The following CLVS1 variants were observed in gnomAD, a reference collection of about 807,000 sequenced individuals.
CLVS1 encodes clavesin-1.
Under a neutral mutation model 33.1 loss-of-function variants are expected in CLVS1, and 10 were observed. The observed-to-expected ratio is 0.30, with a 90% CI of 0.19 to 0.51. The LOEUF is 0.51. Among genes scored for constraint, CLVS1 ranks in the 20% least tolerant of loss-of-function variants. The probability of loss-of-function intolerance (pLI) is 0.97; values close to 1 mark genes in which losing one functional copy is unlikely to be tolerated. For synonymous variants in CLVS1, 163 were observed against 166.1 expected, an observed-to-expected ratio of 0.98 and a Z score of 0.14; for missense variants, 343 against 433.4, an observed-to-expected ratio of 0.79 and a Z score of 1.85.
In CLVS1 at chr8:61,149,551, C is replaced by CAAAAAAAAAAAAAAAAAA. The variant is rs1166606940; in HGVS notation, c.-152+17708_-152+17709insAAAAAAAAAAAAAAAAAA. The stretch of plus-strand genomic sequence containing the variant: ...TAGGCGACAGAACGAGACTCTGTCT[C>CAAAAAAAAAAAAAAAAAA]AAAAAAAAAAAAAAAAACAAAAAAC... On this transcript the variant is annotated intron_variant, in intron 2 of 2. Transcript: ENST00000522621. 1.5e-3 allele frequency among the ~76,000 whole-genome samples: 80 copies of CAAAAAAAAAAAAAAAAAA among 51,886 alleles called. 1 individual carries two copies. Among genetic ancestry groups the CAAAAAAAAAAAAAAAAAA allele is most frequent in the Non-Finnish European group, 2.3e-3 (52 of 22,870 alleles). 34.0% of individuals were successfully genotyped at this position (51,886 alleles called of 152,430 possible). A position where few individuals can be genotyped will look rare whatever the true frequency, so the allele number is the denominator to read the frequency against.
intron 1 of CLVS1, among the ~76,000 whole-genome samples, chr8:61,087,755 A>C (rs1287698747): frequency 6.6e-6 from 1 of 152,218 alleles, no homozygotes; most frequent in Non-Finnish European, 1.5e-5. Context: ...GTGTTCCCCA[A>C]TAAACTAATT....
chr8:61,479,432 A>G lies in CLVS1; in HGVS notation c.978-20023A>G, dbSNP rs553537293. 3.5e-4 allele frequency among the ~76,000 whole-genome samples: 53 copies of G among 152,204 alleles called. No homozygotes were observed. The East Asian group carries it at 0.01, about 29-fold the overall frequency. On this transcript the variant is annotated intron_variant, in intron 5 of 5. Transcript: ENST00000325897. The stretch of plus-strand genomic sequence containing the variant: ...TTCTCGTGCCTTGGTTTTCAGCTCC[A>G]TCAGGTCCTTTAAGGACTTCTCTGC...
the CLVS1 span, chr8:60,964,967 G>T: frequency 6.6e-6 from 1 of 152,160 alleles, no homozygotes; most frequent in Non-Finnish European, 1.5e-5. Flanking sequence ...ATAGGAGCAG[G>T]CCTGGGAAGT....
At chr8:61,397,257 C>G (rs947155286) in intron 3 of CLVS1, among the ~76,000 whole-genome samples, 1 of 152,022 alleles carries the variant, frequency 6.6e-6, no homozygotes, top group Non-Finnish European at 1.5e-5. Context: ...TGATATGAAA[C>G]AGTATCTCAT....
chr8:61,367,556 A>T (rs1315410671), intron 2 of CLVS1, among the ~76,000 whole-genome samples: 1 of 152,080 alleles, frequency 6.6e-6, no homozygotes, highest in African/African-American at 2.4e-5. Context: ...TTTCTCCTTC[A>T]TGTCATATTT....
At chr8:61,204,689 A>G (rs1449321842) in intron 2 of CLVS1, among the ~76,000 whole-genome samples, 1 of 152,252 alleles carries the variant, frequency 6.6e-6, no homozygotes, top group African/African-American at 2.4e-5. Context: ...CTACTTTTCT[A>G]TTAAAGCAGA....
intron 2 of CLVS1, chr8:61,202,402 CT>C (rs1373661918): frequency 1.3e-6 from 1 of 764,576 alleles, no homozygotes. Context: ...CCAGAACTAT[CT>C]TTTTGGTTGT....
intron 2 of CLVS1, among the ~76,000 whole-genome samples, chr8:61,196,474 T>C (rs1487421266): frequency 6.6e-6 from 1 of 152,188 alleles, no homozygotes; most frequent in Non-Finnish European, 1.5e-5. Flanking sequence ...CCAACCAATA[T>C]TGGCTTAATT....
intron 2 of CLVS1, among the ~76,000 whole-genome samples, chr8:61,351,412 TG>T (rs1304954707): frequency 1.3e-5 from 2 of 151,966 alleles, no homozygotes; most frequent in African/African-American, 2.4e-5. Flanking sequence ...GAAAATATAC[TG>T]GAAAAGTAAC....
At chr8:61,121,715 A>C (rs1472821642) in intron 1 of CLVS1, among the ~76,000 whole-genome samples, 2 of 152,230 alleles carry the variant, frequency 1.3e-5, no homozygotes. Context: ...CTGTCAAAGC[A>C]AAGTATACAC....
intron 1 of CLVS1, among the ~76,000 whole-genome samples, chr8:61,068,223 GTATGTGTA>G (rs768364998): frequency 8.6e-5 from 9 of 105,180 alleles, no homozygotes; most frequent in African/African-American, 3.2e-4. Context: ...ATATATGTAT[GTATGTGTA>G]TATATATATA....
At chr8:61,348,685 G>T (rs557112801) in intron 2 of CLVS1, among the ~76,000 whole-genome samples, 1 of 152,058 alleles carries the variant, frequency 6.6e-6, no homozygotes, top group East Asian at 1.9e-4. Flanking sequence ...GTGAACGTGG[G>T]AGTGCAGGTA....
chr8:61,272,425 C>T (rs1164592360), intron 2 of CLVS1, among the ~76,000 whole-genome samples: 1 of 151,592 alleles, frequency 6.6e-6, no homozygotes, highest in African/African-American at 2.4e-5. Flanking sequence ...CTGCCCTTAA[C>T]ATTTTTTCCT....
intron 2 of CLVS1, among the ~76,000 whole-genome samples, chr8:61,164,586 G>A (rs1806817408): frequency 6.6e-6 from 1 of 152,124 alleles, no homozygotes; most frequent in African/African-American, 2.4e-5. Flanking sequence ...TAGAGTGGGA[G>A]GGCAAGTCCC....
At chr8:61,376,931 GT>G in intron 3 of CLVS1, 152 bp downstream of exon 3, 1 of 591,508 alleles carries the variant, frequency 1.7e-6, no homozygotes, top group Non-Finnish European at 2.7e-6. Flanking sequence ...CTCAGCCAGA[GT>G]TTTAGATGCT....
At chr8:61,473,574 G>T (rs961020730) in intron 5 of CLVS1, among the ~76,000 whole-genome samples, 4 of 152,154 alleles carry the variant, frequency 2.6e-5, no homozygotes, top group Admixed American at 2.6e-4. Flanking sequence ...ACAAATTGGA[G>T]GTGGAGAGAG....
chr8:61,126,035 A>G (rs1805962528), intron 1 of CLVS1, among the ~76,000 whole-genome samples: 1 of 152,176 alleles, frequency 6.6e-6, no homozygotes, highest in Non-Finnish European at 1.5e-5. Context: ...TAAATATACA[A>G]AGAAATGGAA....
At chr8:61,286,394 A>T (rs1809781682), upstream of CLVS1, among the ~76,000 whole-genome samples, 3 of 152,192 alleles carry the variant, frequency 2.0e-5, no homozygotes, top group Admixed American at 2.0e-4. Flanking sequence ...CATAGAACTT[A>T]CCACCCATAT....
At chr8:61,447,685 G>A (rs572378292) in intron 3 of CLVS1, among the ~76,000 whole-genome samples, 3 of 151,942 alleles carry the variant, frequency 2.0e-5, no homozygotes, top group East Asian at 3.9e-4. Context: ...TAATATAATT[G>A]TCTTAAATAT....
Sources: allele counts gnomAD v4.1 joint callset (sites outside exome capture counted in the v4.1 genomes callset), GRCh38; gene constraint gnomAD v4.1.1; transcripts MANE v1.5; gene names NCBI Gene and HGNC (gene_info 2026-07-23, HGNC 2026-07-21).